The following EBF2 variants were observed in gnomAD, a reference collection of about 807,000 sequenced individuals.
EBF2 encodes transcription factor COE2.
Under a neutral mutation model 72.8 loss-of-function variants are expected in EBF2, and 21 were observed. That is an observed-to-expected ratio of 0.29 (90% CI 0.20 to 0.42). The LOEUF is 0.42. Among genes scored for constraint, EBF2 ranks in the 10% least tolerant of loss-of-function variants. EBF2 has a pLI of 1.00. For missense variants in EBF2, 637 were observed against 731.2 expected, an observed-to-expected ratio of 0.87 and a Z score of 1.49; for synonymous variants, 299 against 274.2, an observed-to-expected ratio of 1.09 and a Z score of -0.89.
chr8:25,880,771 T>C (rs1300267897), intron 10 of EBF2, among the ~76,000 whole-genome samples: 1 of 152,202 alleles, frequency 6.6e-6, no homozygotes, highest in African/African-American at 2.4e-5. Context: ...GCTATTTTGA[T>C]TGGCACTGTG....
chr8:25,970,408 C>T (rs1167704781), intron 6 of EBF2, among the ~76,000 whole-genome samples: 1 of 152,168 alleles, frequency 6.6e-6, no homozygotes, highest in Non-Finnish European at 1.5e-5. Context: ...CAGCAAATAA[C>T]TTTAATTGAG....
At chr8:25,856,625 TATATC>T (rs1490167025) in intron 14 of EBF2, among the ~76,000 whole-genome samples, 6 of 152,218 alleles carry the variant, frequency 3.9e-5, no homozygotes, top group Admixed American at 1.3e-4. Flanking sequence ...TTGTCACTGT[TATATC>T]ATTGTTTACA....
chr8:25,853,955 G>A (rs1246244910), intron 14 of EBF2, among the ~76,000 whole-genome samples: 1 of 151,970 alleles, frequency 6.6e-6, no homozygotes, highest in African/African-American at 2.4e-5. Context: ...GGTATCTCTG[G>A]CTGATGGGAT....
At chr8:25,865,071 G>C (rs1802286788) in intron 10 of EBF2, among the ~76,000 whole-genome samples, 2 of 152,074 alleles carry the variant, frequency 1.3e-5, no homozygotes, top group Admixed American at 6.5e-5. Flanking sequence ...AAAGTGCTGG[G>C]ATTACAGGTG....
At chr8:25,982,315 T>G (rs989723599) in intron 6 of EBF2, among the ~76,000 whole-genome samples, 1 of 152,258 alleles carries the variant, frequency 6.6e-6, no homozygotes, top group East Asian at 1.9e-4. Context: ...GAACTGCTGA[T>G]TCTCCCAGTT....
In EBF2 at chr8:26,005,636, C is replaced by G. The variant is rs551933966; in HGVS notation, c.551+27449G>C. Reference sequence around the variant, plus strand: ...TGAGCCCCCTGAAGTTCAAGACCAGCCTGGGCAACATAGTGAGACTCTGTC... The same window carrying G: ...TGAGCCCCCTGAAGTTCAAGACCAGGCTGGGCAACATAGTGAGACTCTGTC... On this transcript the variant is annotated intron_variant, in intron 6 of 15. Transcript: ENST00000520164. 3.2e-3 allele frequency among the ~76,000 whole-genome samples: 371 copies of G among 114,194 alleles called. 4 individuals are homozygous for G. Among genetic ancestry groups the G allele is most frequent in the African/African-American group, 0.012 (348 of 28,870 alleles). 74.9% of individuals were successfully genotyped at this position (114,194 alleles called of 152,430 possible).
chr8:26,037,205 C>G (rs1044320660), intron 5 of EBF2, among the ~76,000 whole-genome samples: 1 of 152,058 alleles, frequency 6.6e-6, no homozygotes, highest in Non-Finnish European at 1.5e-5. Context: ...TATGAGAACT[C>G]TTATCACAAT....
intron 5 of EBF2, among the ~76,000 whole-genome samples, chr8:26,034,346 C>T (rs1475998319): frequency 1.3e-5 from 2 of 152,162 alleles, no homozygotes; most frequent in Non-Finnish European, 2.9e-5. Flanking sequence ...TAAGTCCCAG[C>T]TCTGAAAACT....
At chr8:25,908,443 T>G in intron 7 of EBF2, 31 bp downstream of exon 7, 1 of 1,518,160 alleles carries the variant, frequency 6.6e-7, no homozygotes, top group Non-Finnish European at 9.0e-7. Flanking sequence ...GGATGACTTA[T>G]TTAACAGGAA....
At chr8:25,976,773 T>G (rs1804274933) in intron 6 of EBF2, among the ~76,000 whole-genome samples, 1 of 152,220 alleles carries the variant, frequency 6.6e-6, no homozygotes, top group South Asian at 2.1e-4. Context: ...AAATAAAGAT[T>G]GGCCTTTTCC....
chr8:25,871,158 C>G (rs1475597144), intron 10 of EBF2, among the ~76,000 whole-genome samples: 1 of 152,152 alleles, frequency 6.6e-6, no homozygotes, highest in East Asian at 1.9e-4. Context: ...TGAATCCCAA[C>G]TTCCTCCCTC....
intron 6 of EBF2, among the ~76,000 whole-genome samples, chr8:26,009,614 G>T (rs147277254): frequency 3.8e-4 from 58 of 152,296 alleles, no homozygotes; most frequent in African/African-American, 1.4e-3. Context: ...AATACCGCCC[G>T]CAAATTAAAA....
At chr8:25,957,819 T>C (rs1803974175) in intron 6 of EBF2, among the ~76,000 whole-genome samples, 1 of 152,190 alleles carries the variant, frequency 6.6e-6, no homozygotes, top group South Asian at 2.1e-4. Flanking sequence ...TGAACCATGA[T>C]TGCATGACCA....
At chr8:25,939,766 A>C (rs2117155256) in intron 6 of EBF2, among the ~76,000 whole-genome samples, 1 of 152,324 alleles carries the variant, frequency 6.6e-6, no homozygotes, top group South Asian at 2.1e-4. Flanking sequence ...TAATTAACAA[A>C]GAGAGGAGTT....
At chr8:25,910,156 C>T (rs1803103012) in intron 6 of EBF2, among the ~76,000 whole-genome samples, 2 of 152,256 alleles carry the variant, frequency 1.3e-5, no homozygotes, top group African/African-American at 4.8e-5. Flanking sequence ...CGTCAGAGTG[C>T]GTTAGAAAGG....
chr8:25,936,311 C>T (rs950302320), intron 6 of EBF2, among the ~76,000 whole-genome samples: 2 of 152,144 alleles, frequency 1.3e-5, no homozygotes, highest in African/African-American at 4.8e-5. Flanking sequence ...TAAGAAAAGT[C>T]CTTAGCACCC....
chr8:25,857,101 C>G (rs1006272049), intron 14 of EBF2, among the ~76,000 whole-genome samples: 1 of 152,048 alleles, frequency 6.6e-6, no homozygotes, highest in Non-Finnish European at 1.5e-5. Flanking sequence ...ACAAATCAAG[C>G]AATCATTTAT....
chr8:25,958,141 A>AG (rs1430824045), intron 6 of EBF2, among the ~76,000 whole-genome samples: 1 of 152,202 alleles, frequency 6.6e-6, no homozygotes, highest in Admixed American at 6.5e-5. Context: ...CTATCTAAAG[A>AG]GGAACTGATG....
intron 6 of EBF2, among the ~76,000 whole-genome samples, chr8:25,968,720 C>T (rs1804149692): frequency 6.6e-6 from 1 of 152,166 alleles, no homozygotes; most frequent in African/African-American, 2.4e-5. Flanking sequence ...CACCACCACA[C>T]CTAATTTTTG....
Sources: gnomAD v4.1 joint callset for allele counts (sites outside exome capture counted in the v4.1 genomes callset) on GRCh38, gnomAD v4.1.1 for gene constraint, MANE v1.5 for transcripts, NCBI Gene and HGNC (gene_info 2026-07-23, HGNC 2026-07-21) for gene names.